Variants in SLC2A13 observed in about 807,000 individuals in gnomAD.
The protein encoded by SLC2A13 is proton myo-inositol cotransporter.
Under a neutral mutation model 64.4 loss-of-function variants are expected in SLC2A13, and 32 were observed. The ratio of observed to expected loss-of-function variants is 0.50; its 90% CI spans 0.37 to 0.67. The LOEUF (loss-of-function observed/expected upper bound fraction) is 0.67. SLC2A13 is among the 30% of genes least tolerant of loss of function. SLC2A13 has a pLI of 0.00. For synonymous variants in SLC2A13, 338 were observed against 327.1 expected (o/e 1.03, Z -0.36); for missense variants, 743 against 829.2 (o/e 0.90, Z 1.28).
At chr12:39,761,212 T>G (rs2135708190) in intron 9 of SLC2A13, among the ~76,000 whole-genome samples, 1 of 151,760 alleles carries the variant, frequency 6.6e-6, no homozygotes, top group Non-Finnish European at 1.5e-5. Flanking sequence ...GATAGTCATT[T>G]AACCTCTTCT....
intron 6 of SLC2A13, among the ~76,000 whole-genome samples, chr12:39,856,658 C>T (rs144681462): frequency 8.2e-4 from 125 of 152,322 alleles, no homozygotes; most frequent in African/African-American, 2.8e-3. Flanking sequence ...TGAGCCACTG[C>T]GCCCAGCCCC....
intron 6 of SLC2A13, among the ~76,000 whole-genome samples, chr12:39,862,570 C>T (rs542807866): frequency 6.6e-6 from 1 of 152,136 alleles, no homozygotes; most frequent in African/African-American, 2.4e-5. Flanking sequence ...GTTTCATTTG[C>T]TAAATTTTCC....
chr12:39,951,304 A>G lies in SLC2A13; in HGVS notation c.987T>C (p.Gly329=), dbSNP rs1946224654. 3 of 1,613,100 alleles carry G rather than the reference A, an allele frequency of 1.9e-6. No homozygotes were observed. The South Asian group carries it at 3.3e-5, about 18-fold the overall frequency. ...YPPTRRALIV[G]CGLQMFQQLS... ...GCTGCTGGAACATTTGTAGGCCACA[A>G]CCCACAATTAAAGCTCGGCGAGTTG... Residue 329 remains glycine (G), a synonymous_variant, in exon 4 of 10, where the codon GGT becomes GGC. Transcript: ENST00000280871.
At chr12:39,998,278 C>T (rs962732669) in intron 3 of SLC2A13, among the ~76,000 whole-genome samples, 15 of 152,272 alleles carry the variant, frequency 9.9e-5, no homozygotes, top group African/African-American at 3.1e-4. Flanking sequence ...AATAAATATT[C>T]AGGAATGGAA....
intron 1 of SLC2A13, among the ~76,000 whole-genome samples, chr12:40,071,732 T>C (rs1050221017): frequency 1.3e-5 from 2 of 152,176 alleles, no homozygotes; most frequent in East Asian, 1.9e-4. Flanking sequence ...GAGTTATTCA[T>C]AGTATTCCTT....
chr12:39,869,290 G>A (rs1470399137), intron 5 of SLC2A13, among the ~76,000 whole-genome samples: 1 of 152,104 alleles, frequency 6.6e-6, no homozygotes, highest in Admixed American at 6.6e-5. Flanking sequence ...AAGGTGTAAA[G>A]GTCCATTGGT....
chr12:39,763,259 T>C (rs923253127), intron 9 of SLC2A13, among the ~76,000 whole-genome samples: 1 of 152,052 alleles, frequency 6.6e-6, no homozygotes, highest in African/African-American at 2.4e-5. Flanking sequence ...ATATTTCAAA[T>C]GTCTTAAGTG....
intron 4 of SLC2A13, among the ~76,000 whole-genome samples, chr12:39,922,206 T>C (rs1035183461): frequency 3.3e-5 from 5 of 152,178 alleles, no homozygotes; most frequent in Non-Finnish European, 7.3e-5. Context: ...CTAAAGAGAA[T>C]CTTTTTATTC....
At chr12:40,103,835 C>A (rs1939218419) in intron 1 of SLC2A13, among the ~76,000 whole-genome samples, 1 of 152,196 alleles carries the variant, frequency 6.6e-6, no homozygotes. Flanking sequence ...AGTTTCCACA[C>A]AAATAGGTTT....
chr12:39,830,353 G>A, intron 6 of SLC2A13, 125 bp from the exon 7 acceptor site: 2 of 1,451,774 alleles, frequency 1.4e-6, no homozygotes. Context: ...CTTGGGACTT[G>A]TTTTGGCCAA....
At chr12:40,015,469 TC>T (rs1287065354) in intron 3 of SLC2A13, among the ~76,000 whole-genome samples, 1 of 152,204 alleles carries the variant, frequency 6.6e-6, no homozygotes, top group Non-Finnish European at 1.5e-5. Flanking sequence ...AGGTAGAGCT[TC>T]TCAGCACAAA....
intron 3 of SLC2A13, among the ~76,000 whole-genome samples, chr12:39,988,657 A>AGGAG (rs148689204): frequency 6.7e-5 from 7 of 105,164 alleles, no homozygotes; most frequent in Admixed American, 1.2e-4. Flanking sequence ...GAGAAAAGGA[A>AGGAG]GGAGGGAGGG....
chr12:40,074,678 C>T (rs1938097952), intron 1 of SLC2A13, among the ~76,000 whole-genome samples: 1 of 152,096 alleles, frequency 6.6e-6, no homozygotes, highest in Non-Finnish European at 1.5e-5. Context: ...CTGATGTTTG[C>T]TCTGTCTCTT....
intron 9 of SLC2A13, among the ~76,000 whole-genome samples, chr12:39,763,647 C>G (rs1021604496): frequency 4.6e-5 from 7 of 152,020 alleles, no homozygotes; most frequent in Admixed American, 2.0e-4. Context: ...GAGAGAAGCT[C>G]TTCTGGGAGA....
intron 2 of SLC2A13, among the ~76,000 whole-genome samples, chr12:40,041,408 T>C (rs1948087523): frequency 6.6e-6 from 1 of 152,168 alleles, no homozygotes; most frequent in African/African-American, 2.4e-5. Context: ...AATTTCCCTC[T>C]CCCTCACTGT....
chr12:39,765,792 C>T (rs1173595164), intron 7 of SLC2A13, among the ~76,000 whole-genome samples: 2 of 152,042 alleles, frequency 1.3e-5, no homozygotes, highest in East Asian at 1.9e-4. Context: ...TAGGTAAATG[C>T]GTGCTGTAGT....
chr12:39,859,039 AC>A (rs1943684159), intron 6 of SLC2A13, among the ~76,000 whole-genome samples: 1 of 152,202 alleles, frequency 6.6e-6, no homozygotes, highest in African/African-American at 2.4e-5. Flanking sequence ...TGTAGTGAAT[AC>A]AAAATGAATT....
intron 1 of SLC2A13, among the ~76,000 whole-genome samples, chr12:40,049,974 T>G (rs1282489936): frequency 1.3e-5 from 2 of 152,170 alleles, no homozygotes; most frequent in African/African-American, 4.8e-5. Flanking sequence ...AAGCATGTGC[T>G]AATAGACACA....
chr12:40,035,010 A>G (rs914303824), intron 2 of SLC2A13, among the ~76,000 whole-genome samples: 2 of 152,244 alleles, frequency 1.3e-5, no homozygotes, highest in African/African-American at 4.8e-5. Context: ...TAAACAGGAC[A>G]GTGAAACATT....
Sources: gnomAD v4.1 joint callset for allele counts (sites outside exome capture counted in the v4.1 genomes callset) on GRCh38, gnomAD v4.1.1 for gene constraint, MANE v1.5 for transcripts, NCBI Gene and HGNC (gene_info 2026-07-23, HGNC 2026-07-21) for gene names.